Variants in HTR2C observed in about 807,000 individuals in gnomAD.
HTR2C encodes the protein 5-hydroxytryptamine (serotonin) receptor 2C, G protein-coupled.
In HTR2C, 5 loss-of-function variants were observed where a neutral mutation model predicts 21.0. The ratio of observed to expected loss-of-function variants is 0.24; its 90% confidence interval spans 0.12 to 0.50. The LOEUF (loss-of-function observed/expected upper bound fraction) is 0.50. Among genes scored for constraint, HTR2C ranks in the 20% least tolerant of loss-of-function variants. HTR2C has a pLI of 0.98. For missense variants in HTR2C, 271 were observed against 371.2 expected (o/e 0.73, Z 2.22); for synonymous variants, 150 against 145.3 (o/e 1.03, Z -0.23).
At chrX:114,785,825 A>C (rs1254165390) in intron 4 of HTR2C, among the ~76,000 whole-genome samples, 1 of 112,276 alleles carries the variant, frequency 8.9e-6, no homozygotes, top group Non-Finnish European at 1.9e-5. Flanking sequence ...GTGAATTTTT[A>C]TGGAAATTAT....
intron 4 of HTR2C, among the ~76,000 whole-genome samples, chrX:114,807,854 G>C (rs2070493762): frequency 9.1e-6 from 1 of 110,011 alleles, no homozygotes; most frequent in South Asian, 3.9e-4. Context: ...TGTATTTTTA[G>C]TAGAGACGGG....
intron 4 of HTR2C, among the ~76,000 whole-genome samples, chrX:114,734,564 T>TAAAAAAAAAAAAAAAAAAAAAA (rs61672860): frequency 3.8e-4 from 13 of 34,296 alleles, no homozygotes; most frequent in African/African-American, 7.7e-4. Context: ...GCCTTACATG[T>TAAAAAAAAAAAAAAAAAAAAAA]AAAAAAAAAA....
chrX:114,812,572 C>T (rs1556453019), intron 4 of HTR2C, among the ~76,000 whole-genome samples: 1 of 109,813 alleles, frequency 9.1e-6, no homozygotes, highest in East Asian at 2.9e-4. Context: ...TCTACTAAAA[C>T]TACGAAAATT....
intron 2 of HTR2C, among the ~76,000 whole-genome samples, chrX:114,645,815 C>T (rs1169145225): frequency 1.8e-5 from 2 of 111,527 alleles, no homozygotes; most frequent in East Asian, 5.6e-4. Context: ...CTTTATCAAT[C>T]ATTAGATAGG....
At chrX:114,757,674 C>T (rs1556430680) in intron 4 of HTR2C, among the ~76,000 whole-genome samples, 1 of 111,560 alleles carries the variant, frequency 9.0e-6, no homozygotes, top group African/African-American at 3.3e-5. Context: ...AATTTTTTTC[C>T]TCGTCTGCTT....
At chrX:114,618,437 T>G (rs1432824782) in intron 2 of HTR2C, among the ~76,000 whole-genome samples, 3 of 112,395 alleles carry the variant, frequency 2.7e-5, no homozygotes, top group Non-Finnish European at 5.6e-5. Flanking sequence ...TCGGATTGAC[T>G]TTTTAAATTA....
chrX:114,904,190 GTCT>G (rs1213744914), intron 5 of HTR2C, among the ~76,000 whole-genome samples: 3 of 111,524 alleles, frequency 2.7e-5, no homozygotes, highest in Non-Finnish European at 3.8e-5. Flanking sequence ...GGACCTCTAT[GTCT>G]TCTTTTCTCT....
At chrX:114,845,430 T>G (rs781895832) in intron 4 of HTR2C, among the ~76,000 whole-genome samples, 1 of 110,586 alleles carries the variant, frequency 9.0e-6, no homozygotes, top group South Asian at 3.7e-4. Context: ...TGAACTCAAT[T>G]AATGACCTAA....
chrX:114,701,223 G>A (rs374389718), intron 2 of HTR2C, among the ~76,000 whole-genome samples: 7 of 111,993 alleles, frequency 6.3e-5, no homozygotes, highest in East Asian at 2.8e-4. Context: ...CTCCCAGCAC[G>A]CAGCTGGAGA....
chrX:114,905,887 A>G (rs185436802), intron 5 of HTR2C, among the ~76,000 whole-genome samples: 1 of 111,386 alleles, frequency 9.0e-6, no homozygotes, highest in South Asian at 3.8e-4. Flanking sequence ...TATTCTTAAA[A>G]CAAAAATGCT....
Position 114,856,399 on chromosome X carries a change from A to C in HTR2C, c.550+8196A>C, listed in dbSNP as rs375567803. Reference sequence around the variant, plus strand: ...ATCGTGAAAATGGCCATACTGCCCAAGGTAATTTACAGATTCAATGCCATC... The same window carrying C: ...ATCGTGAAAATGGCCATACTGCCCACGGTAATTTACAGATTCAATGCCATC... On this transcript the variant is annotated intron_variant, in intron 5 of 5. Transcript: ENST00000276198. Among the ~76,000 whole-genome samples, 48 of 100,927 alleles carry C rather than the reference A, an allele frequency of 4.8e-4. No individual in the cohort carries two copies. In the East Asian group the frequency reaches 0.013, roughly 27 times the overall value. 87.6% of individuals were successfully genotyped at this position (100,927 alleles called of 115,157 possible).
At position 114,606,433 on chromosome X, in the gene HTR2C, C is replaced by A. The variant is rs782705270; in HGVS notation, c.-146-7382C>A. ...TGGGTGTATAATCAGAGAGGCGTCC[C>A]TGCAACGATTAAACACCAAGGGAAG... is the stretch of plus-strand genomic sequence containing the variant. On this transcript the variant is annotated intron_variant, in intron 1 of 5. Coordinates refer to ENST00000276198, the MANE Select transcript of HTR2C (RefSeq NM_000868.4). 3.6e-5 allele frequency among the ~76,000 whole-genome samples: 4 copies of A among 111,794 alleles called. No homozygotes were observed. The East Asian group carries it at 1.1e-3, about 32-fold the overall frequency.
intron 2 of HTR2C, among the ~76,000 whole-genome samples, chrX:114,661,852 C>T (rs782389902): frequency 1.8e-5 from 2 of 111,747 alleles, no homozygotes; most frequent in South Asian, 3.7e-4. Flanking sequence ...GCAAGTCTTA[C>T]GTTTCCTAGG....
rs1295697239 is a variant in HTR2C at position 114,645,202 on chromosome X, G to A, written c.-80+31321G>A. ...ACAAAAGAGAGAGAATGAAGTATAA[G>A]GAAGCTAAAAAAAATACGTAACATT... is the stretch of plus-strand genomic sequence containing the variant. On this transcript the variant is annotated intron_variant, in intron 2 of 5. Transcript: ENST00000276198. 9.1e-5 allele frequency among the ~76,000 whole-genome samples: 10 copies of A among 109,952 alleles called. No homozygotes were observed. In the East Asian group the frequency reaches 2.9e-3, roughly 31 times the overall value.
intron 5 of HTR2C, among the ~76,000 whole-genome samples, chrX:114,893,457 A>G (rs953561463): frequency 7.2e-5 from 8 of 111,768 alleles, no homozygotes; most frequent in Non-Finnish European, 1.3e-4. Flanking sequence ...AATAAGAAAA[A>G]TGTTTTTTTC....
intron 4 of HTR2C, among the ~76,000 whole-genome samples, chrX:114,841,247 C>G (rs1169760226): frequency 8.9e-6 from 1 of 112,176 alleles, no homozygotes; most frequent in Non-Finnish European, 1.9e-5. Flanking sequence ...CTCCAGCAGA[C>G]TAGAATATGA....
At chrX:114,727,006 G>T in intron 3 of HTR2C, 35 bp downstream of exon 3, 1 of 886,781 alleles carries the variant, frequency 1.1e-6, no homozygotes, top group East Asian at 3.6e-5. Flanking sequence ...TTAGTAAAAA[G>T]ATAACTTTGC....
At chrX:114,809,084 T>A (rs1454663042) in intron 4 of HTR2C, among the ~76,000 whole-genome samples, 2 of 110,809 alleles carry the variant, frequency 1.8e-5, no homozygotes, top group African/African-American at 6.6e-5. Context: ...CCCTTCAGGG[T>A]GGTGAGTTTC....
chrX:114,792,020 T>A (rs782786913), intron 4 of HTR2C, among the ~76,000 whole-genome samples: 1 of 112,086 alleles, frequency 8.9e-6, no homozygotes, highest in African/African-American at 3.2e-5. Context: ...GTGATCTTTC[T>A]TTTAGAAAGA....
Sources: gnomAD v4.1 joint callset for allele counts (sites outside exome capture counted in the v4.1 genomes callset) on GRCh38, gnomAD v4.1.1 for gene constraint, MANE v1.5 for transcripts, NCBI Gene and HGNC (gene_info 2026-07-23, HGNC 2026-07-21) for gene names.